FANK1: variants seen among roughly 807,000 people sequenced by gnomAD.
FANK1 encodes fibronectin type 3 and ankyrin repeat domains protein 1.
Under a neutral mutation model 45.3 loss-of-function variants are expected in FANK1, and 44 were observed. That is an observed-to-expected ratio of 0.97 (90% CI 0.76 to 1.25). FANK1 has a LOEUF of 1.25. FANK1 is among the 50% of genes most tolerant of loss of function. The probability of loss-of-function intolerance (pLI) is 0.00; values close to 1 mark genes in which losing one functional copy is unlikely to be tolerated. For missense variants in FANK1, 391 were observed against 424.4 expected (o/e 0.92, Z 0.69); for synonymous variants, 149 against 152.5 (o/e 0.98, Z 0.17).
chr10:125,897,333 A>C (rs1362003404), intron 1 of FANK1, among the ~76,000 whole-genome samples: 1 of 152,294 alleles, frequency 6.6e-6, no homozygotes, highest in Non-Finnish European at 1.5e-5. Context: ...GCTCTAACTT[A>C]CTATTTTTGT....
intron 2 of FANK1, among the ~76,000 whole-genome samples, chr10:125,987,863 A>G (rs955236034): frequency 7.3e-5 from 11 of 150,130 alleles, no homozygotes; most frequent in Non-Finnish European, 2.9e-5. Context: ...CTTGGTGCTG[A>G]TTTTGCAGAC....
chr10:125,910,353 T>G (rs186696175), intron 1 of FANK1, among the ~76,000 whole-genome samples: 2 of 152,334 alleles, frequency 1.3e-5, no homozygotes, highest in East Asian at 3.9e-4. Context: ...ATTTTACTTT[T>G]TGGATAAGTA....
At position 125,904,891 on chromosome 10, in the gene FANK1, C is replaced by T. The variant is rs560325633; in HGVS notation, c.13+8236C>T. Among the ~76,000 whole-genome samples, 489 of 151,510 alleles carry T rather than the reference C, an allele frequency of 3.2e-3. 3 individuals carry two copies. Among genetic ancestry groups the T allele is most frequent in the Middle Eastern group, 0.014 (4 of 292 alleles). ...CTGTAATCCCAGCCCTTTGGGAGGC[C>T]GAGGCGGGCGGATCACGAGGTCAGG... On this transcript the variant is annotated intron_variant, in intron 1 of 10. Coordinates refer to ENST00000368693, the MANE Select transcript of FANK1 (RefSeq NM_145235.5).
chr10:125,951,714 T>G (rs1172574908), intron 1 of FANK1, among the ~76,000 whole-genome samples: 1 of 152,168 alleles, frequency 6.6e-6, no homozygotes, highest in East Asian at 1.9e-4. Flanking sequence ...GTTCTTGACA[T>G]TTTGAGGCTC....
chr10:125,922,208 C>T (rs1589865334), intron 1 of FANK1, among the ~76,000 whole-genome samples: 1 of 152,172 alleles, frequency 6.6e-6, no homozygotes, highest in Non-Finnish European at 1.5e-5. Flanking sequence ...TTTAACTTCT[C>T]ATATTTGGGG....
At chr10:125,937,170 T>C (rs1948158677) in intron 1 of FANK1, among the ~76,000 whole-genome samples, 1 of 152,132 alleles carries the variant, frequency 6.6e-6, no homozygotes. Context: ...AAAGTGGAAA[T>C]GTTAGGTTAT....
chr10:125,979,138 G>A (rs1467909601), intron 1 of FANK1, among the ~76,000 whole-genome samples: 1 of 152,122 alleles, frequency 6.6e-6, no homozygotes, highest in African/African-American at 2.4e-5. Flanking sequence ...GGGCAGGGGA[G>A]TATCCCCTGG....
chr10:125,907,596 A>ATGTG (rs1038430570), intron 1 of FANK1: 1 of 405,886 alleles, frequency 2.5e-6, no homozygotes, highest in Non-Finnish European at 3.2e-6. Flanking sequence ...GTGTGTGTGT[A>ATGTG]TGTGTGTGTG....
rs115520149 is a variant in FANK1 at position 125,923,146 on chromosome 10, T to G, written c.13+26491T>G. Among the ~76,000 whole-genome samples, 771 of 152,206 alleles carry G rather than the reference T, an allele frequency of 5.1e-3. 4 individuals carry two copies. Among genetic ancestry groups the G allele is most frequent in the African/African-American group, 0.018 (746 of 41,544 alleles). ...ATTTTTTTCTACTTTTTGAGTCAAT[T>G]TTGATTTTTTTTTTCCAAAAATTCA... On this transcript the variant is annotated intron_variant, in intron 1 of 10. Transcript: ENST00000368693.
intron 3 of FANK1, among the ~76,000 whole-genome samples, chr10:125,989,663 A>T (rs571945590): frequency 6.6e-6 from 1 of 152,362 alleles, no homozygotes; most frequent in Admixed American, 6.5e-5. Context: ...GTGATATGAA[A>T]TGGTCAACTC....
intron 2 of FANK1, among the ~76,000 whole-genome samples, chr10:125,986,881 T>A (rs1028388898): frequency 6.6e-6 from 1 of 152,172 alleles, no homozygotes; most frequent in African/African-American, 2.4e-5. Context: ...GGGATACTCC[T>A]CCCTCTAGGA....
chr10:125,926,504 T>C (rs1221949162), intron 1 of FANK1, among the ~76,000 whole-genome samples: 1 of 152,298 alleles, frequency 6.6e-6, no homozygotes, highest in Non-Finnish European at 1.5e-5. Context: ...GTTTTTCATC[T>C]CTGTAACTTT....
At chr10:125,978,342 GA>G (rs1404498011) in intron 1 of FANK1, among the ~76,000 whole-genome samples, 3 of 152,132 alleles carry the variant, frequency 2.0e-5, no homozygotes, top group Non-Finnish European at 4.4e-5. Flanking sequence ...CATTTTGGGA[GA>G]GCAGTTGTGC....
chr10:125,917,049 A>T (rs1163929488), intron 1 of FANK1, among the ~76,000 whole-genome samples: 6 of 152,132 alleles, frequency 3.9e-5, no homozygotes, highest in African/African-American at 1.4e-4. Context: ...TTTTCATCAA[A>T]CTGTTAAAAA....
intron 1 of FANK1, among the ~76,000 whole-genome samples, chr10:125,944,988 G>A (rs1417171818): frequency 6.6e-6 from 1 of 152,166 alleles, no homozygotes; most frequent in East Asian, 1.9e-4. Context: ...CTCCCCAACC[G>A]AGCTTGTCTC....
chr10:125,981,715 C>G (rs1424660765), intron 2 of FANK1, among the ~76,000 whole-genome samples: 3 of 151,924 alleles, frequency 2.0e-5, no homozygotes, highest in Admixed American at 1.3e-4. Flanking sequence ...GTGATTGTAC[C>G]TTTTCCCATT....
Position 125,984,833 on chromosome 10 carries a change from C to T in FANK1, c.192-3718C>T, listed in dbSNP as rs184099705. ...AGGCTATGCTTTAAATTTTTGTAGACTTTCCTCTACTGTGGAAGTCACTCT... is the reference window on the plus strand; with the variant it reads ...AGGCTATGCTTTAAATTTTTGTAGATTTTCCTCTACTGTGGAAGTCACTCT... On this transcript the variant is annotated intron_variant, in intron 2 of 10. Coordinates refer to ENST00000368693, the MANE Select transcript of FANK1 (RefSeq NM_145235.5). Among the ~76,000 whole-genome samples, 506 of 152,328 alleles carry T rather than the reference C, an allele frequency of 3.3e-3. 3 individuals are homozygous for T. The highest frequency in any genetic ancestry group is 0.011 in the African/African-American group (467 of 41,576).
At chr10:125,979,534 T>C (rs1047087418) in intron 1 of FANK1, among the ~76,000 whole-genome samples, 1 of 152,244 alleles carries the variant, frequency 6.6e-6, no homozygotes, top group Non-Finnish European at 1.5e-5. Context: ...CCAATAGTTA[T>C]GAAATTTCTT....
chr10:125,949,867 A>G (rs1054451423), intron 1 of FANK1, among the ~76,000 whole-genome samples: 4 of 147,022 alleles, frequency 2.7e-5, no homozygotes, highest in African/African-American at 7.5e-5. Flanking sequence ...TTCAAACTAT[A>G]CTACAAGGCT....
Sources: gnomAD v4.1 joint callset for allele counts (sites outside exome capture counted in the v4.1 genomes callset) on GRCh38, gnomAD v4.1.1 for gene constraint, MANE v1.5 for transcripts, NCBI Gene and HGNC (gene_info 2026-07-23, HGNC 2026-07-21) for gene names.